PDE1C: variants seen among roughly 807,000 people sequenced by gnomAD.
PDE1C encodes the protein phosphodiesterase 1C.
A neutral mutation model predicts 93.1 loss-of-function variants in PDE1C; 62 were observed. The ratio of observed to expected loss-of-function variants is 0.67; its 90% confidence interval spans 0.54 to 0.82. PDE1C has a LOEUF of 0.82. Ranked by LOEUF, PDE1C falls within the 40% of genes least tolerant of loss-of-function variation. PDE1C has a pLI of 0.00. For synonymous variants in PDE1C, 325 were observed against 310.1 expected, an observed-to-expected ratio of 1.05 and a Z score of -0.50; for missense variants, 742 against 884.6, an observed-to-expected ratio of 0.84 and a Z score of 2.04.
intron 17 of PDE1C, among the ~76,000 whole-genome samples, chr7:31,771,240 T>C (rs1275485702): frequency 6.6e-6 from 1 of 152,252 alleles, no homozygotes; most frequent in Non-Finnish European, 1.5e-5. Context: ...CTCCTGTACC[T>C]GTGCCCTTTG....
At chr7:32,278,228 C>T (rs188698259) in intron 1 of PDE1C, among the ~76,000 whole-genome samples, 52 of 151,700 alleles carry the variant, frequency 3.4e-4, no homozygotes, top group Admixed American at 1.5e-3. Context: ...CAAACTGATG[C>T]TATAGAAAAT....
At chr7:32,300,550 T>C (rs1383089534), upstream of PDE1C, among the ~76,000 whole-genome samples, 1 of 152,168 alleles carries the variant, frequency 6.6e-6, no homozygotes, top group East Asian at 1.9e-4. Flanking sequence ...CTCCACCACT[T>C]ACCAGCTACA....
At chr7:32,034,203 G>A (rs1278354979) in intron 2 of PDE1C, among the ~76,000 whole-genome samples, 1 of 151,938 alleles carries the variant, frequency 6.6e-6, no homozygotes, top group African/African-American at 2.4e-5. Flanking sequence ...GCAAAGAACT[G>A]GAAAAACAGG....
chr7:32,287,387 C>T (rs1390673380), intron 1 of PDE1C, among the ~76,000 whole-genome samples: 1 of 152,162 alleles, frequency 6.6e-6, no homozygotes, highest in Non-Finnish European at 1.5e-5. Flanking sequence ...CATCGCCTCC[C>T]CAACACCCTT....
At chr7:32,123,550 CA>C (rs1799412726) in intron 3 of PDE1C, among the ~76,000 whole-genome samples, 1 of 152,150 alleles carries the variant, frequency 6.6e-6, no homozygotes, top group Non-Finnish European at 1.5e-5. Flanking sequence ...GCTGGTTAAA[CA>C]TATGCAAATA....
chr7:31,927,108 C>T (rs1033046618), intron 2 of PDE1C, among the ~76,000 whole-genome samples: 13 of 152,122 alleles, frequency 8.5e-5, no homozygotes, highest in Admixed American at 2.6e-4. Context: ...TGACCTGGGA[C>T]GATTGAGCTT....
At chr7:31,985,788 T>A (rs1461694083) in intron 2 of PDE1C, among the ~76,000 whole-genome samples, 1 of 152,204 alleles carries the variant, frequency 6.6e-6, no homozygotes. Flanking sequence ...CCATGGTGTA[T>A]GTGTGTCACA....
chr7:32,384,663 A>G (rs1784592738), intron 1 of PDE1C, among the ~76,000 whole-genome samples: 1 of 152,212 alleles, frequency 6.6e-6, no homozygotes. Flanking sequence ...AAAGGGCTAC[A>G]TGGGGTACTT....
chr7:32,369,498 C>T (rs1194200668), intron 1 of PDE1C, among the ~76,000 whole-genome samples: 1 of 152,012 alleles, frequency 6.6e-6, no homozygotes, highest in Non-Finnish European at 1.5e-5. Flanking sequence ...CAAATGTTGA[C>T]AAGGATGTGG....
intron 1 of PDE1C, among the ~76,000 whole-genome samples, chr7:32,060,646 C>T (rs1383708011): frequency 1.3e-5 from 2 of 152,182 alleles, no homozygotes; most frequent in African/African-American, 4.8e-5. Flanking sequence ...TTTTCCTGAG[C>T]TATAGTAGTT....
In PDE1C at chr7:31,823,176, C is replaced by A; in HGVS notation, c.1479G>T (p.Pro493=). The A allele has an allele frequency of 6.2e-7, 1 of 1,613,294 alleles. No individual in the cohort carries two copies. Residue 493 remains proline, a synonymous_variant, in exon 14 of 18, where the codon CCG becomes CCT. Coordinates refer to ENST00000396191, the MANE Select transcript of PDE1C (RefSeq NM_001191057.4). ...CAACGGAGATGACAGAATTGTTGAT[C>A]GGGGCACTTCCCTCTGAACCAGAGG... ...VKTSGSEGSA[P]INNSVISVDY...
chr7:31,881,383 A>G (rs1705050896), intron 2 of PDE1C, among the ~76,000 whole-genome samples: 1 of 152,210 alleles, frequency 6.6e-6, no homozygotes, highest in Admixed American at 6.5e-5. Flanking sequence ...GGACAGAAAA[A>G]ATCACTCTGA....
chr7:31,894,034 A>C (rs1337468970), intron 2 of PDE1C, among the ~76,000 whole-genome samples: 1 of 152,220 alleles, frequency 6.6e-6, no homozygotes, highest in Non-Finnish European at 1.5e-5. Flanking sequence ...ATTCTTTTCC[A>C]ATGAGCTTTA....
chr7:32,083,882 A>T (rs1159973093), intron 3 of PDE1C, among the ~76,000 whole-genome samples: 4 of 152,166 alleles, frequency 2.6e-5, no homozygotes, highest in Non-Finnish European at 5.9e-5. Context: ...AACCGGTACC[A>T]GCTGCTGCAA....
chr7:32,178,132 G>A lies in PDE1C; in HGVS notation c.137-8176C>T, dbSNP rs546197377. Among the ~76,000 whole-genome samples, 7 of 152,294 alleles carry A rather than the reference G, an allele frequency of 4.6e-5. No homozygotes were observed. In the South Asian group the frequency reaches 1.0e-3, roughly 23 times the overall value. ...GAGCTTAAAAATAGGACCAAGAGGA[G>A]GTGAAGCCAGGCCAAAGAGGTGCCC... On this transcript the variant is annotated intron_variant, in intron 2 of 18. Coordinates refer to the PDE1C transcript ENST00000396193.
chr7:31,769,747 G>T (rs938333439), intron 17 of PDE1C, among the ~76,000 whole-genome samples: 1 of 152,010 alleles, frequency 6.6e-6, no homozygotes, highest in Non-Finnish European at 1.5e-5. Flanking sequence ...TCATATCCAT[G>T]AGAAGTCACT....
chr7:32,251,943 T>C (rs1013714855), intron 1 of PDE1C, among the ~76,000 whole-genome samples: 1 of 152,144 alleles, frequency 6.6e-6, no homozygotes, highest in Non-Finnish European at 1.5e-5. Flanking sequence ...TCTGACAGTA[T>C]CAATCAGATC....
chr7:31,895,909 T>C (rs1195130861), intron 2 of PDE1C, among the ~76,000 whole-genome samples: 1 of 152,094 alleles, frequency 6.6e-6, no homozygotes, highest in Admixed American at 6.6e-5. Context: ...TGTGAGTCCA[T>C]TAAACCTCTT....
At chr7:32,043,592 C>G (rs1792132570) in intron 2 of PDE1C, among the ~76,000 whole-genome samples, 1 of 152,122 alleles carries the variant, frequency 6.6e-6, no homozygotes, top group Non-Finnish European at 1.5e-5. Context: ...GAATGATCCA[C>G]CCTGAGCAAA....
Sources: allele counts gnomAD v4.1 joint callset (sites outside exome capture counted in the v4.1 genomes callset), GRCh38; gene constraint gnomAD v4.1.1; transcripts MANE v1.5; gene names NCBI Gene and HGNC (gene_info 2026-07-23, HGNC 2026-07-21).